Variants in MAPKAP1 observed in about 807,000 individuals in gnomAD.
MAPKAP1 encodes the protein MAPK associated protein 1.
A neutral mutation model predicts 65.7 loss-of-function variants in MAPKAP1; 20 were observed. The observed-to-expected ratio is 0.30, with a 90% CI of 0.21 to 0.44. The LOEUF is 0.44. Ranked by LOEUF, MAPKAP1 falls within the 20% of genes least tolerant of loss-of-function variation. The pLI is 1.00. For synonymous variants in MAPKAP1, 222 were observed against 244.3 expected (o/e 0.91, Z 0.85); for missense variants, 423 against 648.0 (o/e 0.65, Z 3.77).
intron 10 of MAPKAP1, among the ~76,000 whole-genome samples, chr9:125,465,668 G>A (rs1249957475): frequency 6.6e-6 from 1 of 152,186 alleles, no homozygotes; most frequent in African/African-American, 2.4e-5. Flanking sequence ...CCGTGCTAGG[G>A]AGTGAGGACA....
chr9:125,631,450 TA>T (rs1833276881), intron 4 of MAPKAP1, among the ~76,000 whole-genome samples: 1 of 152,216 alleles, frequency 6.6e-6, no homozygotes, highest in African/African-American at 2.4e-5. Flanking sequence ...ATGGATTCTG[TA>T]AAGCCCAACT....
At chr9:125,499,769 T>A (rs534477564) in intron 8 of MAPKAP1, among the ~76,000 whole-genome samples, 65 of 152,136 alleles carry the variant, frequency 4.3e-4, no homozygotes, top group South Asian at 1.9e-3. Context: ...CCCAGTATTA[T>A]GGGAGGCAGA....
At chr9:125,687,243 AGAAAAT>A (rs1470225808) in intron 1 of MAPKAP1, among the ~76,000 whole-genome samples, 2 of 152,254 alleles carry the variant, frequency 1.3e-5, no homozygotes, top group African/African-American at 4.8e-5. Context: ...TAATATTAAC[AGAAAAT>A]GAAAATGGCA....
Position 125,450,769 on chromosome 9 carries a change from G to A in MAPKAP1, c.1346-6171C>T, listed in dbSNP as rs1043067984. Among the ~76,000 whole-genome samples the A allele has an allele frequency of 2.0e-5, 3 of 152,322 alleles. No homozygotes were observed. The South Asian group carries it at 6.2e-4, about 32-fold the overall frequency. ...CTCACTGGATTTCTTGGGGGAAACC[G>A]ATGGGAACACACATTGTTTTAGGCA... On this transcript the variant is annotated intron_variant, in intron 10 of 11. Transcript: ENST00000265960.
chr9:125,609,283 A>G (rs1423901621), intron 4 of MAPKAP1, among the ~76,000 whole-genome samples: 3 of 152,160 alleles, frequency 2.0e-5, no homozygotes, highest in Admixed American at 1.3e-4. Flanking sequence ...AAAGTACCCA[A>G]AGCAGCTCCC....
rs1402804991 is a variant in MAPKAP1 at position 125,706,981 on chromosome 9, T to C, written c.-80A>G. On this transcript the variant is annotated 5_prime_UTR_variant, in exon 1 of 12. Coordinates refer to ENST00000265960, the MANE Select transcript of MAPKAP1 (RefSeq NM_001006617.3). Reference sequence around the variant, plus strand: ...TGGGGCAACCTTTACCTGAAGCTGCTTCCACACTACGGGCCGGGTCGGCCC... The same window carrying C: ...TGGGGCAACCTTTACCTGAAGCTGCCTCCACACTACGGGCCGGGTCGGCCC... 8 of 395,490 alleles carry C rather than the reference T, an allele frequency of 2.0e-5. No homozygotes were observed. The highest frequency in any genetic ancestry group is 3.1e-5 in the Non-Finnish European group (7 of 224,522). 24.5% of individuals were successfully genotyped at this position (395,490 alleles called of 1,614,324 possible). A position where few individuals can be genotyped will look rare whatever the true frequency, so the allele number is the denominator to read the frequency against.
intron 9 of MAPKAP1, among the ~76,000 whole-genome samples, chr9:125,475,045 A>G (rs1481991970): frequency 6.6e-6 from 1 of 152,188 alleles, no homozygotes; most frequent in Non-Finnish European, 1.5e-5. Context: ...GAATTTACAC[A>G]CAAGATCAGA....
At chr9:125,610,540 A>G (rs769752366) in intron 4 of MAPKAP1, among the ~76,000 whole-genome samples, 2 of 152,198 alleles carry the variant, frequency 1.3e-5, no homozygotes, top group Non-Finnish European at 2.9e-5. Context: ...CAGTCTATCT[A>G]TAACCTATAA....
chr9:125,693,721 G>GTATACACACATATATACACA (rs1564620357), intron 1 of MAPKAP1, among the ~76,000 whole-genome samples: 1 of 58,920 alleles, frequency 1.7e-5, no homozygotes, highest in African/African-American at 3.9e-5. Context: ...ATATATACAC[G>GTATACACACATATATACACA]TATATACACA....
rs557967369 is a variant in MAPKAP1 at position 125,606,824 on chromosome 9, C to T, written c.499-21097G>A. ...GAAGAAAACCCGAATCTTCTACAAT[C>T]GAGAAGAAACAGTGTAGTTTCTCTG... On this transcript the variant is annotated intron_variant, in intron 4 of 11. Transcript: ENST00000265960. Among the ~76,000 whole-genome samples the T allele has an allele frequency of 5.3e-5, 8 of 152,292 alleles. No homozygotes were observed. In the East Asian group the frequency reaches 1.2e-3, roughly 22 times the overall value.
intron 4 of MAPKAP1, among the ~76,000 whole-genome samples, chr9:125,631,221 G>A (rs1438250685): frequency 6.6e-6 from 1 of 152,120 alleles, no homozygotes; most frequent in Non-Finnish European, 1.5e-5. Flanking sequence ...GCCCTCACCA[G>A]GTGCAGATGC....
intron 10 of MAPKAP1, among the ~76,000 whole-genome samples, chr9:125,465,410 A>C (rs1000168282): frequency 9.9e-5 from 15 of 152,226 alleles, no homozygotes; most frequent in Non-Finnish European, 1.5e-5. Flanking sequence ...TTAAATAATA[A>C]AGAAACAGAA....
intron 4 of MAPKAP1, among the ~76,000 whole-genome samples, chr9:125,616,077 C>CAAACATAGGGAAATTTGATA (rs1187443078): frequency 6.6e-6 from 1 of 151,972 alleles, no homozygotes; most frequent in Non-Finnish European, 1.5e-5. Context: ...AAGAGCAGCA[C>CAAACATAGGGAAATTTGATA]AAACATAGGG....
chr9:125,540,875 C>T (rs1327031167), intron 7 of MAPKAP1, among the ~76,000 whole-genome samples: 1 of 152,132 alleles, frequency 6.6e-6, no homozygotes, highest in African/African-American at 2.4e-5. Context: ...TCATTAATCA[C>T]TCTCCAAAAA....
intron 1 of MAPKAP1, among the ~76,000 whole-genome samples, chr9:125,705,359 C>T (rs1835725392): frequency 6.6e-6 from 1 of 151,990 alleles, no homozygotes; most frequent in Admixed American, 6.6e-5. Context: ...AATAGAAACC[C>T]CTATATAATA....
intron 4 of MAPKAP1, among the ~76,000 whole-genome samples, chr9:125,630,402 G>T (rs1015141484): frequency 2.6e-5 from 4 of 152,076 alleles, no homozygotes; most frequent in Admixed American, 1.3e-4. Flanking sequence ...AAACTTCTGG[G>T]ATTACAGGCA....
At chr9:125,512,120 C>T (rs1449227615) in intron 7 of MAPKAP1, among the ~76,000 whole-genome samples, 2 of 152,214 alleles carry the variant, frequency 1.3e-5, no homozygotes, top group African/African-American at 4.8e-5. Flanking sequence ...GCAGCTTCCT[C>T]GATCCCTTTA....
intron 10 of MAPKAP1, among the ~76,000 whole-genome samples, chr9:125,466,548 G>A (rs1467623562): frequency 6.6e-6 from 1 of 152,164 alleles, no homozygotes; most frequent in Non-Finnish European, 1.5e-5. Flanking sequence ...CTAAGTTCTT[G>A]GAGAGAAAGA....
intron 1 of MAPKAP1, among the ~76,000 whole-genome samples, chr9:125,701,087 T>C (rs958206435): frequency 2.0e-5 from 3 of 152,054 alleles, no homozygotes; most frequent in Non-Finnish European, 4.4e-5. Context: ...TCCACTGGAG[T>C]CTGCCAGTAA....
Sources: gnomAD v4.1 joint callset for allele counts (sites outside exome capture counted in the v4.1 genomes callset) on GRCh38, gnomAD v4.1.1 for gene constraint, MANE v1.5 for transcripts, NCBI Gene and HGNC (gene_info 2026-07-23, HGNC 2026-07-21) for gene names.